GATA3: variants seen among roughly 807,000 people sequenced by gnomAD.
GATA3 encodes GATA binding protein 3.
GATA3 carries 6 observed loss-of-function variants against 36.0 expected under a neutral mutation model. The observed-to-expected ratio is 0.17, with a 90% CI of 0.09 to 0.33. GATA3 has a LOEUF of 0.33. GATA3 is among the 10% of genes least tolerant of loss of function. GATA3 has a pLI of 1.00. For synonymous variants in GATA3, 326 were observed against 273.0 expected, an observed-to-expected ratio of 1.19 and a Z score of -1.92; for missense variants, 514 against 610.1, an observed-to-expected ratio of 0.84 and a Z score of 1.66.
At position 8,069,562 on chromosome 10, in the gene GATA3, C is replaced by T. The variant is rs2131512161; in HGVS notation, c.1014C>T (p.Val338=). 6.2e-7 allele frequency: 1 copy of T among 1,614,148 alleles called. No homozygotes were observed. The highest frequency in any genetic ancestry group is 8.5e-7 in the Non-Finnish European group (1 of 1,180,026). The change falls in exon 5 of 6, where the codon GTC becomes GTT. Residue 338 remains valine (V), a synonymous_variant. Transcript: ENST00000379328. ...LWRRNANGDP[V]CNACGLYYKL... ...GGAGGAATGCCAATGGGGACCCTGT[C>T]TGCAATGCCTGTGGGCTCTACTACA...
chr10:8,061,794 T>C (rs916251269), intron 3 of GATA3, among the ~76,000 whole-genome samples: 3 of 152,182 alleles, frequency 2.0e-5, no homozygotes, highest in Non-Finnish European at 2.9e-5. Flanking sequence ...AGACTGATCA[T>C]GTCAGGCTGG....
upstream of GATA3, among the ~76,000 whole-genome samples, chr10:8,052,071 CA>C (rs1305644351): frequency 1.3e-5 from 2 of 152,168 alleles, no homozygotes; most frequent in Non-Finnish European, 2.9e-5. Context: ...CGCGGGCCAT[CA>C]AAAGAGCAAC....
In GATA3 at chr10:8,055,703, C is replaced by T. The variant is rs1037226925; in HGVS notation, c.48C>T (p.Pro16=). The T allele has an allele frequency of 1.3e-6, 2 of 1,562,254 alleles. No individual in the cohort carries two copies. Among genetic ancestry groups the T allele is most frequent in the Non-Finnish European group, 1.7e-6 (2 of 1,153,642 alleles). ...CGCGCTGGGTGAGCCACCACCACCC[C>T]GCCGTGCTCAACGGGCAGCACCCGG... The part of the protein sequence containing the change: ...DQPRWVSHHH[P]AVLNGQHPDT... Residue 16 remains proline (P), a synonymous_variant, in exon 2 of 6, where the codon CCC becomes CCT. Coordinates refer to ENST00000379328, the MANE Select transcript of GATA3 (RefSeq NM_001002295.2). This position sits in a 1 kb window ranked among gnomAD's most constrained non-coding sequence, Gnocchi z 5.4.
chr10:8,046,669 G>GTGTT (rs1184704531), intron 1 of GATA3, among the ~76,000 whole-genome samples: 5 of 149,528 alleles, frequency 3.3e-5, no homozygotes, highest in Admixed American at 1.3e-4. Context: ...GTGTGTGTGT[G>GTGTT]TGTGTGTGTG....
rs1260955718 is a variant in GATA3 at position 8,055,672 on chromosome 10, A to G, written c.17A>G (p.Asp6Gly). The G allele has an allele frequency of 2.6e-6, 4 of 1,556,942 alleles. No individual in the cohort carries two copies. In the Admixed American group the frequency reaches 5.8e-5, roughly 23 times the overall value. The change falls in exon 2 of 6, where the codon GAC (aspartate) becomes GGC (glycine). Residue 6 changes from aspartate to glycine, a missense_variant. This residue lies in a region of GATA3 where 381 missense variants were observed against 354.3 expected (regional missense o/e 1.08). Coordinates refer to ENST00000379328, the MANE Select transcript of GATA3 (RefSeq NM_001002295.2). The surrounding 1 kb of genome is among the most constrained non-coding windows in gnomAD (Gnocchi z 5.4). MEVTADQPRWVSHHHP... is the reference protein window; with the variant it reads MEVTAGQPRWVSHHHP... ...GCCGAGGCCATGGAGGTGACGGCGG[A>G]CCAGCCGCGCTGGGTGAGCCACCAC...
chr10:8,047,228 G>A (rs1036838931), intron 1 of GATA3, among the ~76,000 whole-genome samples: 1 of 152,200 alleles, frequency 6.6e-6, no homozygotes, highest in African/African-American at 2.4e-5. Flanking sequence ...CCGGCAGGTA[G>A]GTGGGAGCCA....
At position 8,073,837 on chromosome 10, in the gene GATA3, G is replaced by A. The variant is rs770725875; in HGVS notation, c.1149G>A (p.Leu383=). ...AGTGCAAAAAAGTGCATGACTCACT[G>A]GAGGACTTCCCCAAGAACAGCTCGT... ...SKKCKKVHDS[L]EDFPKNSSFN... The change falls in exon 6 of 6, where the codon CTG becomes CTA. Residue 383 remains leucine, a synonymous_variant. Coordinates refer to ENST00000379328, the MANE Select transcript of GATA3 (RefSeq NM_001002295.2). 15 of 1,614,058 alleles carry A rather than the reference G, an allele frequency of 9.3e-6. No homozygotes were observed. The highest frequency in any genetic ancestry group is 2.2e-5 in the East Asian group (1 of 44,892).
At chr10:8,058,161 CA>C in intron 2 of GATA3, 143 bp from the exon 3 acceptor site, 1 of 828,806 alleles carries the variant, frequency 1.2e-6, no homozygotes. Flanking sequence ...CGGGGACCGC[CA>C]GGATGAGAGA....
At chr10:8,070,371 AT>A (rs11567930) in intron 5 of GATA3, among the ~76,000 whole-genome samples, 10,814 of 149,032 alleles carry the variant, frequency 0.073, 719 homozygotes, top group African/African-American at 0.18. Flanking sequence ...ATCTTAAAAA[AT>A]TTTTTTTTCA....
At chr10:8,071,241 A>C (rs1317884449) in intron 5 of GATA3, among the ~76,000 whole-genome samples, 3 of 152,224 alleles carry the variant, frequency 2.0e-5, no homozygotes, top group Admixed American at 1.3e-4. Context: ...CTGAGAAAGT[A>C]TAAGAGTCAG....
At chr10:8,051,164 G>A (rs778663066), upstream of GATA3, 2 of 491,120 alleles carry the variant, frequency 4.1e-6, no homozygotes, top group Middle Eastern at 6.5e-4. Context: ...GCGGGTGGGA[G>A]GGACTTGCAC....
intron 2 of GATA3, among the ~76,000 whole-genome samples, chr10:8,056,267 G>T (rs1189981467): frequency 6.6e-6 from 1 of 152,152 alleles, no homozygotes; most frequent in African/African-American, 2.4e-5. Context: ...GGGCTCTCTG[G>T]GCCCGGTAGC....
At chr10:8,066,261 A>T (rs1832840415) in intron 4 of GATA3, among the ~76,000 whole-genome samples, 1 of 152,090 alleles carries the variant, frequency 6.6e-6, no homozygotes, top group African/African-American at 2.4e-5. Context: ...TTCATAGGAA[A>T]TCTCTAGAAC....
At chr10:8,057,934 A>C (rs1367244684) in intron 2 of GATA3, among the ~76,000 whole-genome samples, 1 of 152,188 alleles carries the variant, frequency 6.6e-6, no homozygotes, top group African/African-American at 2.4e-5. Flanking sequence ...CCATAAATCA[A>C]GTCAGGTTCT....
intron 3 of GATA3, among the ~76,000 whole-genome samples, chr10:8,063,206 C>T (rs999110840): frequency 1.2e-4 from 18 of 152,164 alleles, no homozygotes; most frequent in Admixed American, 1.1e-3. Flanking sequence ...CTCTGTCCTC[C>T]CAAACCTTCC....
chr10:8,057,900 G>A lies in GATA3; in HGVS notation c.242-405G>A, dbSNP rs11567943. ...TGGCTGGGATTAAGTCCGAGTCAGG[G>A]AACTCAGGGCCATTGAAGGAAACCC... is the stretch of plus-strand genomic sequence containing the variant. On this transcript the variant is annotated intron_variant, in intron 2 of 5. Coordinates refer to ENST00000379328, the MANE Select transcript of GATA3 (RefSeq NM_001002295.2). Among the ~76,000 whole-genome samples, 927 of 152,270 alleles carry A rather than the reference G, an allele frequency of 6.1e-3. 1 individual carries two copies. The highest frequency in any genetic ancestry group is 0.01 in the Non-Finnish European group (707 of 68,028).
chr10:8,065,336 C>A (rs556091427), intron 4 of GATA3, among the ~76,000 whole-genome samples: 7 of 147,458 alleles, frequency 4.7e-5, no homozygotes, highest in African/African-American at 1.8e-4. Flanking sequence ...CGGCTCACTG[C>A]AACCTCCACC....
intron 2 of GATA3, among the ~76,000 whole-genome samples, chr10:8,056,745 C>T (rs1832646354): frequency 6.6e-6 from 1 of 152,162 alleles, no homozygotes. Flanking sequence ...AATTCCAGTA[C>T]CACCTCTTTC....
chr10:8,069,382 C>CT lies in GATA3; in HGVS notation c.925-78dup, dbSNP rs35348503. The CT allele has an allele frequency of 0.099, 97,664 of 990,078 alleles. 149 individuals are homozygous for CT. Among genetic ancestry groups the CT allele is most frequent in the South Asian group, 0.12 (8,199 of 65,730 alleles). 61.3% of individuals were successfully genotyped at this position (990,078 alleles called of 1,614,324 possible). ...GATTTCAATGATAATTTCTTCCTTC[C>CT]TTTTTTTTTTTTTCAAGCCTGTCTT... On this transcript the variant is annotated intron_variant, in intron 4 of 5. Transcript: ENST00000379328.
Sources: allele counts gnomAD v4.1 joint callset (sites outside exome capture counted in the v4.1 genomes callset), GRCh38; gene constraint gnomAD v4.1.1; regional missense constraint gnomAD v4.1.1; non-coding constraint Gnocchi (gnomAD v3.1); transcripts MANE v1.5; gene names NCBI Gene and HGNC (gene_info 2026-07-23, HGNC 2026-07-21).